The following RFPL1 variants were observed in gnomAD, a reference collection of about 807,000 sequenced individuals.
RFPL1 encodes the protein ret finger protein like 1.
RFPL1 carries 6 observed loss-of-function variants against 9.6 expected under a neutral mutation model. The ratio of observed to expected loss-of-function variants is 0.62; its 90% CI spans 0.34 to 1.23. RFPL1 has a LOEUF of 1.23. Ranked by LOEUF, RFPL1 falls within the 50% of genes most tolerant of loss-of-function variation. The probability of loss-of-function intolerance (pLI) is 0.03; values close to 1 mark genes in which losing one functional copy is unlikely to be tolerated. For missense variants in RFPL1, 352 were observed against 398.4 expected (o/e 0.88, Z 0.99); for synonymous variants, 145 against 149.4 (o/e 0.97, Z 0.22).
the RFPL1 span, among the ~76,000 whole-genome samples, chr22:29,423,764 C>T: frequency 1.3e-5 from 2 of 152,338 alleles, no homozygotes; most frequent in South Asian, 2.1e-4. Flanking sequence ...CCCATGACTT[C>T]TCTAAGCTGC....
chr22:29,412,037 C>T, the RFPL1 span, among the ~76,000 whole-genome samples: 1 of 152,128 alleles, frequency 6.6e-6, no homozygotes, highest in Non-Finnish European at 1.5e-5. Context: ...CTAAGTGCCT[C>T]GAGAAAGCAG....
the RFPL1 span, among the ~76,000 whole-genome samples, chr22:29,410,427 ATT>A: frequency 3.8e-5 from 2 of 53,174 alleles, no homozygotes; most frequent in Non-Finnish European, 6.0e-5. Flanking sequence ...AGATATATAT[ATT>A]GTAGATATAT....
At chr22:29,432,617 A>C in the RFPL1 span, among the ~76,000 whole-genome samples, 1 of 152,172 alleles carries the variant, frequency 6.6e-6, no homozygotes, top group Admixed American at 6.5e-5. Flanking sequence ...GGTTACAACA[A>C]AGGCACATCC....
chr22:29,418,652 A>G, the RFPL1 span, among the ~76,000 whole-genome samples: 14 of 151,952 alleles, frequency 9.2e-5, no homozygotes, highest in Non-Finnish European at 1.8e-4. Flanking sequence ...GGCATGTGCC[A>G]CCATGCCCGG....
chr22:29,438,851 C>T, exon 1 of RFPL1: 2 of 1,613,952 alleles, frequency 1.2e-6, no homozygotes, highest in South Asian at 1.1e-5. Flanking sequence ...ATTTTCTTCC[C>T]TTGTGCACTT....
At chr22:29,399,053 G>T in the RFPL1 span, among the ~76,000 whole-genome samples, 1 of 152,132 alleles carries the variant, frequency 6.6e-6, no homozygotes, top group Admixed American at 6.5e-5. Context: ...AAGGGCACAG[G>T]TATTGAATGA....
At chr22:29,401,456 C>G in the RFPL1 span, among the ~76,000 whole-genome samples, 78 of 152,310 alleles carry the variant, frequency 5.1e-4, no homozygotes, top group African/African-American at 1.8e-3. Context: ...TGTCTCATTC[C>G]CCACACCTCT....
chr22:29,410,433 GAT>G, the RFPL1 span, among the ~76,000 whole-genome samples: 11 of 79,726 alleles, frequency 1.4e-4, 1 homozygote, highest in African/African-American at 1.5e-4. Context: ...ATATATTGTA[GAT>G]ATATATATCT....
At chr22:29,425,170 C>T in the RFPL1 span, among the ~76,000 whole-genome samples, 2 of 145,414 alleles carry the variant, frequency 1.4e-5, no homozygotes, top group African/African-American at 5.1e-5. Flanking sequence ...CGCCACTGCA[C>T]TCTAGCCTGG....
At chr22:29,441,089 T>C (rs2062836459) in intron 1 of RFPL1, 1 of 165,466 alleles carries the variant, frequency 6.0e-6, no homozygotes, top group African/African-American at 2.4e-5. Flanking sequence ...CATGCACAAT[T>C]AATTTGCTTA....
exon 2 of RFPL1, chr22:29,441,983 G>A (rs185999312): frequency 1.2e-6 from 2 of 1,614,108 alleles, no homozygotes; most frequent in Non-Finnish European, 1.7e-6. Context: ...ACATTCAGGA[G>A]TGTCTCTGCT....
upstream of RFPL1, chr22:29,437,105 T>G (rs1051486840): frequency 6.5e-6 from 1 of 153,604 alleles, no homozygotes; most frequent in African/African-American, 2.4e-5. Flanking sequence ...TAACACTGTG[T>G]GAAGTACTCA....
chr22:29,402,174 C>G, the RFPL1 span, among the ~76,000 whole-genome samples: 1 of 152,172 alleles, frequency 6.6e-6, no homozygotes, highest in African/African-American at 2.4e-5. Flanking sequence ...CCATCTTGAG[C>G]CGTCATGGAA....
chr22:29,410,362 A>C, the RFPL1 span, among the ~76,000 whole-genome samples: 1 of 88,742 alleles, frequency 1.1e-5, no homozygotes, highest in South Asian at 3.0e-4. Context: ...ATATATGTAG[A>C]TATATATATC....
the RFPL1 span, among the ~76,000 whole-genome samples, chr22:29,395,068 C>T: frequency 6.6e-6 from 1 of 152,244 alleles, no homozygotes; most frequent in African/African-American, 2.4e-5. Context: ...GAGCAAAGTC[C>T]TTCCCATCCT....
chr22:29,433,784 C>G (rs1026819335), upstream of RFPL1, among the ~76,000 whole-genome samples: 1 of 152,068 alleles, frequency 6.6e-6, no homozygotes, highest in Non-Finnish European at 1.5e-5. Context: ...AATATGGTAG[C>G]CACCAGTGGC....
At chr22:29,408,589 G>A in the RFPL1 span, among the ~76,000 whole-genome samples, 1 of 152,176 alleles carries the variant, frequency 6.6e-6, no homozygotes, top group Non-Finnish European at 1.5e-5. Context: ...TTCTTTCTCT[G>A]GAAGAGAAAT....
chr22:29,401,724 C>G, the RFPL1 span, among the ~76,000 whole-genome samples: 1 of 152,354 alleles, frequency 6.6e-6, no homozygotes, highest in East Asian at 1.9e-4. Flanking sequence ...GCCCTCTCCA[C>G]TGCGCAGAGT....
upstream of RFPL1, among the ~76,000 whole-genome samples, chr22:29,434,262 G>T (rs187789349): frequency 6.6e-6 from 1 of 152,272 alleles, no homozygotes; most frequent in East Asian, 1.9e-4. Context: ...CAACAGACAT[G>T]GTTTCTGCCT....
Sources: allele counts gnomAD v4.1 joint callset (sites outside exome capture counted in the v4.1 genomes callset), GRCh38; gene constraint gnomAD v4.1.1; transcripts MANE v1.5; gene names NCBI Gene and HGNC (gene_info 2026-07-23, HGNC 2026-07-21).